Variants in KIF3B observed in about 807,000 individuals in gnomAD.
KIF3B encodes the protein kinesin family member 3B.
A neutral mutation model predicts 74.3 loss-of-function variants in KIF3B; 38 were observed. The ratio of observed to expected loss-of-function variants is 0.51; its 90% CI spans 0.39 to 0.67. KIF3B has a LOEUF of 0.67. Ranked by LOEUF, KIF3B falls within the 30% of genes least tolerant of loss-of-function variation. KIF3B has a pLI of 0.00. For missense variants in KIF3B, 649 were observed against 932.0 expected, an observed-to-expected ratio of 0.70 and a Z score of 3.95; for synonymous variants, 326 against 342.5, an observed-to-expected ratio of 0.95 and a Z score of 0.53.
intron 1 of KIF3B, among the ~76,000 whole-genome samples, chr20:32,283,197 T>A (rs1292846515): frequency 6.6e-6 from 1 of 151,962 alleles, no homozygotes; most frequent in Non-Finnish European, 1.5e-5. Context: ...CTGTCGTGCC[T>A]GGCTAATTTA....
At chr20:32,313,896 C>A (rs1442875460) in intron 2 of KIF3B, among the ~76,000 whole-genome samples, 1 of 152,082 alleles carries the variant, frequency 6.6e-6, no homozygotes, top group Non-Finnish European at 1.5e-5. Flanking sequence ...TCTGTAAAGA[C>A]AAGGTCTCAC....
At chr20:32,305,570 C>CTTTTTTTTTTTTTTTTT (rs869049527) in intron 1 of KIF3B, among the ~76,000 whole-genome samples, 5 of 86,872 alleles carry the variant, frequency 5.8e-5, no homozygotes, top group African/African-American at 1.0e-4. Context: ...ACTCCCCCAC[C>CTTTTTTTTTTTTTTTTT]TTTTTTTTTT....
intron 1 of KIF3B, among the ~76,000 whole-genome samples, chr20:32,297,214 C>T (rs907704200): frequency 6.6e-6 from 1 of 152,152 alleles, no homozygotes; most frequent in South Asian, 2.1e-4. Flanking sequence ...CAGGTGGTTG[C>T]GTGATCTGAT....
chr20:32,293,341 T>C (rs767183623), intron 1 of KIF3B, among the ~76,000 whole-genome samples: 2 of 151,930 alleles, frequency 1.3e-5, no homozygotes, highest in African/African-American at 2.4e-5. Context: ...CTGATGCCTG[T>C]AATCCCATAC....
At chr20:32,298,715 C>G (rs747318896) in intron 1 of KIF3B, among the ~76,000 whole-genome samples, 3 of 151,108 alleles carry the variant, frequency 2.0e-5, no homozygotes, top group Non-Finnish European at 2.9e-5. Context: ...GGGTCTCACT[C>G]TGGAGTGCAG....
chr20:32,299,409 T>A (rs1314632111), intron 1 of KIF3B, among the ~76,000 whole-genome samples: 56 of 63,078 alleles, frequency 8.9e-4, no homozygotes, highest in Middle Eastern at 6.7e-3. Context: ...ATATATTTTT[T>A]TTTTTTTTTT....
intron 1 of KIF3B, among the ~76,000 whole-genome samples, chr20:32,278,920 C>A (rs550658219): frequency 9.4e-6 from 1 of 106,426 alleles, no homozygotes. Context: ...GCTTAAGAAT[C>A]CTTTTTTTTT....
chr20:32,299,006 T>C (rs972902092), intron 1 of KIF3B, among the ~76,000 whole-genome samples: 4 of 152,094 alleles, frequency 2.6e-5, no homozygotes, highest in African/African-American at 9.7e-5. Context: ...TGCAAATCCA[T>C]GAGCACCGTA....
chr20:32,282,820 GC>G, intron 1 of KIF3B, among the ~76,000 whole-genome samples: 1 of 152,304 alleles, frequency 6.6e-6, no homozygotes, highest in African/African-American at 2.4e-5. Flanking sequence ...AAGTTTCAGA[GC>G]TTTTGACTTC....
At chr20:32,298,308 G>A (rs190664783) in intron 1 of KIF3B, among the ~76,000 whole-genome samples, 110 of 150,746 alleles carry the variant, frequency 7.3e-4, no homozygotes, top group African/African-American at 2.6e-3. Context: ...ATGGCGGCCT[G>A]AGCCTGTAAT....
At chr20:32,320,383 G>A (rs993533427) in intron 5 of KIF3B, among the ~76,000 whole-genome samples, 2 of 151,050 alleles carry the variant, frequency 1.3e-5, no homozygotes, top group Admixed American at 6.6e-5. Flanking sequence ...TTTTACTTTT[G>A]GTATTGTATC....
At chr20:32,298,193 T>C (rs958159488) in intron 1 of KIF3B, among the ~76,000 whole-genome samples, 3 of 152,018 alleles carry the variant, frequency 2.0e-5, no homozygotes, top group Non-Finnish European at 2.9e-5. Context: ...CCCAGCACTT[T>C]GGAAGTCCAG....
chr20:32,290,959 C>T (rs2047688580), intron 1 of KIF3B, among the ~76,000 whole-genome samples: 1 of 151,826 alleles, frequency 6.6e-6, no homozygotes. Flanking sequence ...AGTTCTGACA[C>T]ATGCTTTAGT....
At chr20:32,302,559 A>G (rs1380671071) in intron 1 of KIF3B, among the ~76,000 whole-genome samples, 3 of 152,096 alleles carry the variant, frequency 2.0e-5, no homozygotes, top group African/African-American at 7.2e-5. Context: ...TTGACAGGTA[A>G]AAGTCGGACA....
intron 5 of KIF3B, among the ~76,000 whole-genome samples, chr20:32,323,258 T>C (rs2047885244): frequency 6.8e-6 from 1 of 147,084 alleles, no homozygotes; most frequent in Non-Finnish European, 1.5e-5. Context: ...TTAAGTTTCT[T>C]AGTATTTTCT....
intron 5 of KIF3B, among the ~76,000 whole-genome samples, chr20:32,326,443 GC>G (rs1422285919): frequency 3.3e-5 from 5 of 152,116 alleles, no homozygotes; most frequent in Non-Finnish European, 7.4e-5. Flanking sequence ...CTCCAATATA[GC>G]CCAGGGGTCA....
Position 32,331,502 on chromosome 20 carries a change from C to T in KIF3B, c.*183C>T. The T allele has an allele frequency of 1.8e-6, 1 of 558,130 alleles. No individual in the cohort carries two copies. Among genetic ancestry groups the T allele is most frequent in the South Asian group, 2.5e-5 (1 of 39,966 alleles). The allele number at this position is 558,130 out of a possible 1,614,324, so 34.6% of individuals were successfully genotyped here. A position where few individuals can be genotyped will look rare whatever the true frequency, so the allele number is the denominator to read the frequency against. ...GTGCTGTTCCTAATCTGGCACTCAG[C>T]CCCTCTGGGAAACATCTTTTAATTA... On this transcript the variant is annotated 3_prime_UTR_variant, in exon 9 of 9. Coordinates refer to ENST00000375712, the MANE Select transcript of KIF3B (RefSeq NM_004798.4).
intron 1 of KIF3B, among the ~76,000 whole-genome samples, chr20:32,306,085 T>TAA (rs1569198160): frequency 5.0e-5 from 6 of 119,030 alleles, no homozygotes; most frequent in Non-Finnish European, 6.7e-5. Context: ...AGACTCCATC[T>TAA]GAAAAAAAAA....
At chr20:32,303,726 G>C (rs868098023) in intron 1 of KIF3B, among the ~76,000 whole-genome samples, 11 of 151,462 alleles carry the variant, frequency 7.3e-5, no homozygotes, top group African/African-American at 2.7e-4. Flanking sequence ...GTGTTGGTGG[G>C]CACCTGTAAT....
Sources: allele counts gnomAD v4.1 joint callset (sites outside exome capture counted in the v4.1 genomes callset), GRCh38; gene constraint gnomAD v4.1.1; transcripts MANE v1.5; gene names NCBI Gene and HGNC (gene_info 2026-07-23, HGNC 2026-07-21).